The following EFCAB13 variants were observed in gnomAD, a reference collection of about 807,000 sequenced individuals.
EFCAB13 encodes the protein EF-hand calcium binding domain 13.
Under a neutral mutation model 110.2 loss-of-function variants are expected in EFCAB13, and 91 were observed. The ratio of observed to expected loss-of-function variants is 0.83; its 90% CI spans 0.70 to 0.98. EFCAB13 has a LOEUF of 0.98. EFCAB13 is among the 50% of genes least tolerant of loss of function. EFCAB13 has a pLI of 0.00. For synonymous variants in EFCAB13, 323 were observed against 369.9 expected, an observed-to-expected ratio of 0.87 and a Z score of 1.45; for missense variants, 968 against 1,119.4, an observed-to-expected ratio of 0.86 and a Z score of 1.93.
At chr17:47,359,328 TG>T (rs2143311661) in intron 9 of EFCAB13, among the ~76,000 whole-genome samples, 1 of 152,220 alleles carries the variant, frequency 6.6e-6, no homozygotes, top group East Asian at 1.9e-4. Context: ...AGAGATACCC[TG>T]TCTTTAAAAA....
At chr17:47,377,607 T>G (rs1356967282) in intron 12 of EFCAB13, 159 bp from the exon 13 acceptor site, 5 of 486,072 alleles carry the variant, frequency 1.0e-5, no homozygotes, top group Non-Finnish European at 1.8e-5. Context: ...AAATATAATG[T>G]AATATAAACA....
At chr17:47,364,974 T>TACCTTGAA (rs2065538011) in intron 10 of EFCAB13, among the ~76,000 whole-genome samples, 1 of 152,188 alleles carries the variant, frequency 6.6e-6, no homozygotes, top group Non-Finnish European at 1.5e-5. Context: ...AACCTTTTTC[T>TACCTTGAA]CCCCTTAGGT....
intron 4 of EFCAB13, among the ~76,000 whole-genome samples, chr17:47,330,952 A>G (rs939612631): frequency 5.9e-5 from 9 of 152,060 alleles, no homozygotes; most frequent in Admixed American, 3.3e-4. Context: ...TGACTTTTTA[A>G]TAATGGCCAT....
intron 10 of EFCAB13, among the ~76,000 whole-genome samples, chr17:47,367,410 C>A (rs999064554): frequency 1.3e-5 from 2 of 152,220 alleles, no homozygotes; most frequent in African/African-American, 4.8e-5. Flanking sequence ...ATGGCTGGGC[C>A]ACTCCCCTTG....
At chr17:47,336,592 A>ATTTTTTTT (rs66495523) in intron 5 of EFCAB13, among the ~76,000 whole-genome samples, 3 of 119,544 alleles carry the variant, frequency 2.5e-5, no homozygotes, top group African/African-American at 3.2e-5. Flanking sequence ...CACCTGGCCA[A>ATTTTTTTT]TTTTTTTTTT....
At position 47,431,630 on chromosome 17, in the gene EFCAB13, G is replaced by C. The variant is rs945208021; in HGVS notation, c.2638+1669G>C. On this transcript the variant is annotated intron_variant, in intron 24 of 24. Transcript: ENST00000331493. This position sits in a 1 kb window ranked among gnomAD's most constrained non-coding sequence, Gnocchi z 4.1. ...TAGTTTAATTGCATTGTGGTGGTCA[G>C]TGAACATACTCTGATTTTAGTCTTT... Among the ~76,000 whole-genome samples, 1 of 152,096 alleles carries C rather than the reference G, an allele frequency of 6.6e-6. No individual in the cohort carries two copies. The highest frequency in any genetic ancestry group is 2.4e-5 in the African/African-American group (1 of 41,434).
Position 47,370,900 on chromosome 17 carries a change from C to T in EFCAB13, c.877+392C>T, listed in dbSNP as rs1598737685. On this transcript the variant is annotated intron_variant, in intron 11 of 24. Transcript: ENST00000331493. The stretch of plus-strand genomic sequence containing the variant: ...GGGATTACAGGCATATGCCACCATG[C>T]CCAGCTAGTTTTGTATTTTTAGTAG... Among the ~76,000 whole-genome samples the T allele has an allele frequency of 2.6e-5, 4 of 151,466 alleles. No individual in the cohort carries two copies. In the South Asian group the frequency reaches 8.3e-4, roughly 32 times the overall value.
chr17:47,378,008 A>G, intron 13 of EFCAB13, 105 bp downstream of exon 13: 2 of 1,062,672 alleles, frequency 1.9e-6, no homozygotes, highest in Non-Finnish European at 2.6e-6. Context: ...GGAATGGGAC[A>G]GAATGGGTCA....
intron 3 of EFCAB13, chr17:47,327,996 A>G: frequency 1.2e-5 from 5 of 411,506 alleles, no homozygotes; most frequent in Non-Finnish European, 2.1e-5. Flanking sequence ...GTTTATTTAA[A>G]TAAACAGATG....
intron 10 of EFCAB13, chr17:47,369,487 T>C (rs2065569469): frequency 6.5e-6 from 1 of 153,328 alleles, no homozygotes; most frequent in Non-Finnish European, 1.5e-5. Flanking sequence ...TCATTGTAGA[T>C]GTTGAAAGGT....
intron 19 of EFCAB13, 119 bp from the exon 20 acceptor site, chr17:47,404,443 A>C: frequency 2.8e-6 from 2 of 717,244 alleles, no homozygotes; most frequent in Non-Finnish European, 2.3e-6. Context: ...TGAATCTAAA[A>C]GTACCTTGTA....
chr17:47,340,964 C>T (rs1201830320), intron 5 of EFCAB13, among the ~76,000 whole-genome samples: 2 of 151,740 alleles, frequency 1.3e-5, no homozygotes, highest in African/African-American at 4.8e-5. Flanking sequence ...GCTGCTAATA[C>T]CACAAATAGC....
intron 12 of EFCAB13, among the ~76,000 whole-genome samples, chr17:47,375,292 T>C (rs2065608598): frequency 6.6e-6 from 1 of 152,026 alleles, no homozygotes; most frequent in African/African-American, 2.4e-5. Context: ...GAATAGTATG[T>C]CTATTTTTTA....
At chr17:47,420,758 C>A in intron 23 of EFCAB13, among the ~76,000 whole-genome samples, 1 of 152,224 alleles carries the variant, frequency 6.6e-6, no homozygotes, top group Non-Finnish European at 1.5e-5. Flanking sequence ...CGGCAGCCAC[C>A]CCGTCTGGGA....
chr17:47,349,860 C>T (rs929807485), intron 9 of EFCAB13, among the ~76,000 whole-genome samples: 33 of 150,112 alleles, frequency 2.2e-4, no homozygotes, highest in African/African-American at 6.8e-4. Context: ...CTGCAAGCTC[C>T]GCTTCCCGGG....
At chr17:47,359,449 G>T (rs1311605124) in intron 9 of EFCAB13, among the ~76,000 whole-genome samples, 2 of 151,058 alleles carry the variant, frequency 1.3e-5, no homozygotes, top group East Asian at 3.9e-4. Context: ...TTTATTATAT[G>T]ATGAATTTCA....
chr17:47,391,985 C>G (rs756924948), intron 15 of EFCAB13, among the ~76,000 whole-genome samples: 4 of 151,982 alleles, frequency 2.6e-5, no homozygotes, highest in Non-Finnish European at 4.4e-5. Context: ...AAAGTTAAAC[C>G]ATTTTTGAGT....
chr17:47,332,399 CT>C (rs1041443187), intron 4 of EFCAB13, among the ~76,000 whole-genome samples: 10 of 152,006 alleles, frequency 6.6e-5, no homozygotes, highest in Non-Finnish European at 1.3e-4. Flanking sequence ...TCATTACCAA[CT>C]TTTTTTGTGG....
At position 47,395,826 on chromosome 17, in the gene EFCAB13, C is replaced by T. The variant is rs2065734750; in HGVS notation, c.1802-8C>T. Reference sequence around the variant, plus strand: ...ATTCGTAAAACTTGTGTTTTATCTACCCTTTAGTATTGCCTGATGCTATTG... The same window carrying T: ...ATTCGTAAAACTTGTGTTTTATCTATCCTTTAGTATTGCCTGATGCTATTG... On this transcript the variant is annotated splice_polypyrimidine_tract_variant and splice_region_variant and intron_variant, in intron 16 of 24. Coordinates refer to ENST00000331493, the MANE Select transcript of EFCAB13 (RefSeq NM_152347.5). 6.3e-7 allele frequency: 1 copy of T among 1,583,074 alleles called. No individual in the cohort carries two copies.
Sources: allele counts gnomAD v4.1 joint callset (sites outside exome capture counted in the v4.1 genomes callset), GRCh38; gene constraint gnomAD v4.1.1; non-coding constraint Gnocchi (gnomAD v3.1); transcripts MANE v1.5; gene names NCBI Gene and HGNC (gene_info 2026-07-23, HGNC 2026-07-21).